PML: variants seen among roughly 807,000 people sequenced by gnomAD.
PML encodes PML nuclear body scaffold, also known as protein PML.
PML carries 28 observed loss-of-function variants against 65.2 expected under a neutral mutation model. That is an observed-to-expected ratio of 0.43 (90% CI 0.32 to 0.59). PML has a LOEUF of 0.59. Ranked by LOEUF, PML falls within the 20% of genes least tolerant of loss-of-function variation. The probability of loss-of-function intolerance (pLI) is 0.08; values close to 1 mark genes in which losing one functional copy is unlikely to be tolerated. For missense variants in PML, 1,021 were observed against 1,203.4 expected (o/e 0.85, Z 2.24); for synonymous variants, 500 against 508.8 (o/e 0.98, Z 0.23).
At chr15:74,012,130 G>T (rs545085312) in intron 2 of PML, among the ~76,000 whole-genome samples, 4 of 133,496 alleles carry the variant, frequency 3.0e-5, no homozygotes. Flanking sequence ...TTCCTAAAAG[G>T]TCCCTCTAAG....
chr15:74,002,670 G>A (rs2069834300), intron 2 of PML, among the ~76,000 whole-genome samples: 1 of 147,500 alleles, frequency 6.8e-6, no homozygotes, highest in Admixed American at 6.8e-5. Flanking sequence ...TGGCCAGGAT[G>A]GTCTTGATCT....
chr15:74,036,958 C>T (rs117637627), intron 7 of PML: 14,108 of 985,372 alleles, frequency 0.014, 114 homozygotes, highest in Non-Finnish European at 0.016. Context: ...TCCAGCCCCG[C>T]GCACTCCCCA....
At position 74,042,324 on chromosome 15, in the gene PML, G is replaced by C; in HGVS notation, c.1711-665G>C. The stretch of plus-strand genomic sequence containing the variant: ...TGCCAAGGACCTGGGTGTCCACCTA[G>C]ATGTGGCCTTCAGGAGGCCAAGCAG... On this transcript the variant is annotated intron_variant, in intron 7 of 8. Transcript: ENST00000268058. The surrounding 1 kb of genome is among the most constrained non-coding windows in gnomAD (Gnocchi z 5.3). The C allele has an allele frequency of 1.0e-6, 1 of 982,528 alleles. No individual in the cohort carries two copies. Among genetic ancestry groups the C allele is most frequent in the Non-Finnish European group, 1.2e-6 (1 of 827,262 alleles). The allele number at this position is 982,528 out of a possible 1,614,324, so 60.9% of individuals were successfully genotyped here.
rs932325149 is a variant in PML at position 74,012,453 on chromosome 15, C to T, written c.603-10375C>T. On this transcript the variant is annotated intron_variant, in intron 2 of 8. Transcript: ENST00000268058. ...CCTCCCAAAGTGCTGGGATTACAGG[C>T]GTGAGCCACCGTGCCTGGCCATTTT... Among the ~76,000 whole-genome samples, 12 of 152,228 alleles carry T rather than the reference C, an allele frequency of 7.9e-5. No homozygotes were observed. In the South Asian group the frequency reaches 8.3e-4, roughly 11 times the overall value.
chr15:74,035,750 G>T lies in PML; in HGVS notation c.1710+1220G>T. 6.2e-7 allele frequency: 1 copy of T among 1,614,102 alleles called. No homozygotes were observed. The highest frequency in any genetic ancestry group is 2.2e-5 in the East Asian group (1 of 44,862). On this transcript the variant is annotated intron_variant, in intron 7 of 8. Transcript: ENST00000268058. The surrounding 1 kb of genome is among the most constrained non-coding windows in gnomAD (Gnocchi z 4.1). The stretch of plus-strand genomic sequence containing the variant: ...CCTCCATGGCTTCCCAGCTTGACAT[G>T]TCTTCCGTGGTGGGGGCAGGGGAAA...
rs1410557966 is a variant in PML at position 74,046,075 on chromosome 15, C to G, written c.*1067C>G. On this transcript the variant is annotated 3_prime_UTR_variant, in exon 9 of 9. Coordinates refer to ENST00000268058, the MANE Select transcript of PML (RefSeq NM_033238.3). The stretch of plus-strand genomic sequence containing the variant: ...GTGTGGCCTAGGAACAGGTCCCTTC[C>G]TAAGCTCTAGTGTCCCCATCTGTAA... 2 of 232,952 alleles carry G rather than the reference C, an allele frequency of 8.6e-6. No homozygotes were observed. The highest frequency in any genetic ancestry group is 1.7e-5 in the Non-Finnish European group (2 of 117,918). 14.4% of individuals were successfully genotyped at this position (232,952 alleles called of 1,614,324 possible). A position where few individuals can be genotyped will look rare whatever the true frequency, so the allele number is the denominator to read the frequency against.
intron 2 of PML, among the ~76,000 whole-genome samples, chr15:74,013,612 A>G (rs2070428610): frequency 6.6e-6 from 1 of 152,150 alleles, no homozygotes; most frequent in Non-Finnish European, 1.5e-5. Flanking sequence ...GAGGTGTTTC[A>G]AATTTGGCAT....
intron 2 of PML, among the ~76,000 whole-genome samples, chr15:74,020,518 G>A (rs1331364316): frequency 6.6e-6 from 1 of 151,938 alleles, no homozygotes; most frequent in Non-Finnish European, 1.5e-5. Context: ...TATTTTCCCT[G>A]GTAATATTTG....
chr15:74,027,895 T>G (rs1468702027), intron 4 of PML: 2 of 152,302 alleles, frequency 1.3e-5, no homozygotes, highest in African/African-American at 2.4e-5. Context: ...CACAGACGGC[T>G]GTCCCAAGGG....
At chr15:74,029,204 G>T (rs2071210532) in intron 4 of PML, among the ~76,000 whole-genome samples, 1 of 151,862 alleles carries the variant, frequency 6.6e-6, no homozygotes, top group South Asian at 2.1e-4. Flanking sequence ...TTAAATAATA[G>T]TCATTCTAAT....
intron 2 of PML, among the ~76,000 whole-genome samples, chr15:73,999,491 C>T (rs2069659489): frequency 6.6e-6 from 1 of 152,204 alleles, no homozygotes; most frequent in South Asian, 2.1e-4. Flanking sequence ...AAGCTTTCCC[C>T]TCCGACTCCT....
rs2069587032 is a variant in PML at position 73,998,017 on chromosome 15, CGGA to C, written c.151_153del (p.Glu51del). On this transcript the variant is annotated inframe_deletion, in exon 2 of 9. Coordinates refer to ENST00000268058, the MANE Select transcript of PML (RefSeq NM_033238.3). ...CTGGTCCCCCAGCGAGCCCCCGCTT[CGGA>C]GGAGGAGTTCCAGTTTCTGCGCTGC... 1 of 1,612,126 alleles carries C rather than the reference CGGA, an allele frequency of 6.2e-7. No homozygotes were observed. Among genetic ancestry groups the C allele is most frequent in the African/African-American group, 1.3e-5 (1 of 74,996 alleles).
At chr15:73,999,984 A>G (rs1474077885) in intron 2 of PML, among the ~76,000 whole-genome samples, 1 of 151,820 alleles carries the variant, frequency 6.6e-6, no homozygotes, top group African/African-American at 2.4e-5. Flanking sequence ...ACAGGTGCAC[A>G]TCATCATGCC....
At position 74,032,670 on chromosome 15, in the gene PML, C is replaced by T. The variant is rs776546547; in HGVS notation, c.1353C>T (p.Pro451=). The change falls in exon 5 of 9, where the codon CCC becomes CCT. Residue 451 remains proline (P), a synonymous_variant. Transcript: ENST00000268058. ...AVVQSVPGAH[P]VPVYAFSIKG... ...TACAGTCAGTGCCCGGGGCACACCC[C>T]GTGCCAGTGTACGCCTTCTCCATCA... 1.8e-5 allele frequency: 29 copies of T among 1,614,044 alleles called. No homozygotes were observed. The South Asian group carries it at 2.9e-4, about 16-fold the overall frequency.
intron 2 of PML, 56 bp from the exon 3 acceptor site, chr15:74,022,772 T>G: frequency 7.2e-7 from 1 of 1,398,340 alleles, no homozygotes; most frequent in Non-Finnish European, 1.0e-6. Flanking sequence ...TAACGAACGT[T>G]TTAAGAGGAA....
At chr15:74,024,446 T>C (rs1484351630) in intron 3 of PML, among the ~76,000 whole-genome samples, 9 of 152,226 alleles carry the variant, frequency 5.9e-5, no homozygotes, top group African/African-American at 1.7e-4. Context: ...TATTTTATTC[T>C]GAAGCATAAG....
intron 4 of PML, among the ~76,000 whole-genome samples, chr15:74,029,639 AAAG>A (rs2071231065): frequency 6.6e-6 from 1 of 152,168 alleles, no homozygotes; most frequent in Non-Finnish European, 1.5e-5. Flanking sequence ...AAAAAGAAAG[AAAG>A]AAAAAAGTTT....
rs1488116770 is a variant in PML at position 74,024,783 on chromosome 15, A to G, written c.1184-74A>G. 16 of 1,074,434 alleles carry G rather than the reference A, an allele frequency of 1.5e-5. No individual in the cohort carries two copies. The East Asian group carries it at 2.1e-4, about 14-fold the overall frequency. 66.6% of individuals were successfully genotyped at this position (1,074,434 alleles called of 1,614,324 possible). A position where few individuals can be genotyped will look rare whatever the true frequency, so the allele number is the denominator to read the frequency against. On this transcript the variant is annotated intron_variant, in intron 3 of 8. Coordinates refer to ENST00000268058, the MANE Select transcript of PML (RefSeq NM_033238.3). ...GAAAAGCAACAGGGACCTCCTCTCT[A>G]TCACTGTCCCAGGTCAGGATGTCCC...
intron 4 of PML, chr15:74,027,058 T>TA (rs2071110814): frequency 6.6e-6 from 1 of 152,220 alleles, no homozygotes; most frequent in African/African-American, 2.4e-5. Flanking sequence ...GGTAGGATAA[T>TA]ACCAGATACA....
Sources: gnomAD v4.1 joint callset for allele counts (sites outside exome capture counted in the v4.1 genomes callset) on GRCh38, gnomAD v4.1.1 for gene constraint, Gnocchi (gnomAD v3.1) non-coding constraint, MANE v1.5 for transcripts, NCBI Gene and HGNC (gene_info 2026-07-23, HGNC 2026-07-21) for gene names.